SLC35F4: variants seen among roughly 807,000 people sequenced by gnomAD.
The protein encoded by SLC35F4 is solute carrier family 35 member F4, also known as chromosome 14 open reading frame 36.
In SLC35F4, 24 loss-of-function variants were observed where a neutral mutation model predicts 44.2. The ratio of observed to expected loss-of-function variants is 0.54; its 90% CI spans 0.39 to 0.76. The LOEUF is 0.76. Among genes scored for constraint, SLC35F4 ranks in the 30% least tolerant of loss-of-function variants. SLC35F4 has a pLI of 0.00. For missense variants in SLC35F4, 562 were observed against 586.1 expected, an observed-to-expected ratio of 0.96 and a Z score of 0.42; for synonymous variants, 238 against 223.6, an observed-to-expected ratio of 1.06 and a Z score of -0.57.
At chr14:57,578,118 C>T (rs954592147) in intron 4 of SLC35F4, among the ~76,000 whole-genome samples, 1 of 151,706 alleles carries the variant, frequency 6.6e-6, no homozygotes, top group East Asian at 1.9e-4. Flanking sequence ...AAGTGTCTTT[C>T]ACTCTGTTCA....
At chr14:57,888,165 T>A (rs1328657872) in intron 1 of SLC35F4, among the ~76,000 whole-genome samples, 1 of 152,118 alleles carries the variant, frequency 6.6e-6, no homozygotes, top group African/African-American at 2.4e-5. Flanking sequence ...AAGAAGAACC[T>A]CAGAGAAAGG....
intron 1 of SLC35F4, among the ~76,000 whole-genome samples, chr14:57,953,709 T>C (rs978289513): frequency 1.3e-5 from 2 of 152,178 alleles, no homozygotes; most frequent in Non-Finnish European, 2.9e-5. Flanking sequence ...AAGGTATCAA[T>C]GCAACAAGAA....
chr14:57,753,959 C>T (rs561661762), intron 1 of SLC35F4, among the ~76,000 whole-genome samples: 24 of 152,230 alleles, frequency 1.6e-4, no homozygotes, highest in African/African-American at 5.8e-4. Context: ...GGCTCATGGG[C>T]AGCTCCATGG....
intron 1 of SLC35F4, among the ~76,000 whole-genome samples, chr14:57,735,839 G>A (rs138091960): frequency 6.6e-6 from 1 of 151,448 alleles, no homozygotes; most frequent in Non-Finnish European, 1.5e-5. Context: ...TCTCCACCTC[G>A]GCCTCCCAAG....
intron 1 of SLC35F4, among the ~76,000 whole-genome samples, chr14:57,690,501 G>A (rs921101235): frequency 6.6e-6 from 1 of 151,958 alleles, no homozygotes; most frequent in African/African-American, 2.4e-5. Context: ...ACCAAGGACT[G>A]GTTTCATGAA....
intron 1 of SLC35F4, among the ~76,000 whole-genome samples, chr14:57,690,556 G>C (rs1194723046): frequency 6.6e-6 from 1 of 152,010 alleles, no homozygotes; most frequent in Non-Finnish European, 1.5e-5. Context: ...GGTGATGAGG[G>C]ATGGTTTGGG....
At chr14:57,924,724 G>A (rs1889517492) in intron 1 of SLC35F4, among the ~76,000 whole-genome samples, 3 of 152,010 alleles carry the variant, frequency 2.0e-5, no homozygotes, top group Admixed American at 2.0e-4. Context: ...TGGGATTACA[G>A]GTGTTAGCCA....
chr14:57,657,729 A>T (rs2074010850), intron 1 of SLC35F4, among the ~76,000 whole-genome samples: 1 of 152,170 alleles, frequency 6.6e-6, no homozygotes, highest in South Asian at 2.1e-4. Flanking sequence ...TTTACTTAGC[A>T]CAGTAATACT....
intron 1 of SLC35F4, among the ~76,000 whole-genome samples, chr14:57,606,211 G>A (rs1014523537): frequency 5.3e-5 from 8 of 151,742 alleles, no homozygotes; most frequent in African/African-American, 1.7e-4. Flanking sequence ...TATTCTCAGA[G>A]TATTAAACAA....
At chr14:57,605,718 G>A (rs577216646) in intron 1 of SLC35F4, among the ~76,000 whole-genome samples, 29 of 151,900 alleles carry the variant, frequency 1.9e-4, no homozygotes, top group African/African-American at 6.5e-4. Context: ...GTGCCCATCA[G>A]TAGTGGGTTG....
chr14:57,728,148 CTCT>C (rs1386591077), intron 1 of SLC35F4, among the ~76,000 whole-genome samples: 2 of 152,066 alleles, frequency 1.3e-5, no homozygotes, highest in Non-Finnish European at 2.9e-5. Context: ...CCTTTTTTGT[CTCT>C]TCTTACAGTT....
chr14:57,954,831 C>A (rs867152284), intron 1 of SLC35F4, among the ~76,000 whole-genome samples: 1 of 151,580 alleles, frequency 6.6e-6, no homozygotes, highest in African/African-American at 2.4e-5. Flanking sequence ...GATTCACAGC[C>A]GAATTCTACC....
chr14:57,886,795 G>A (rs1472481500), intron 1 of SLC35F4, among the ~76,000 whole-genome samples: 2 of 152,128 alleles, frequency 1.3e-5, no homozygotes, highest in African/African-American at 4.8e-5. Context: ...TCTGGAAAGG[G>A]AAAGGAGTTG....
intron 1 of SLC35F4, among the ~76,000 whole-genome samples, chr14:57,801,926 C>T (rs569324279): frequency 6.6e-6 from 1 of 152,092 alleles, no homozygotes; most frequent in African/African-American, 2.4e-5. Flanking sequence ...ATCATAGAAA[C>T]ACAAAATTAA....
At chr14:57,888,519 C>A (rs1888697901) in intron 1 of SLC35F4, among the ~76,000 whole-genome samples, 2 of 152,094 alleles carry the variant, frequency 1.3e-5, no homozygotes, top group African/African-American at 2.4e-5. Context: ...TCAAATGAAA[C>A]AATGAATGTC....
intron 1 of SLC35F4, among the ~76,000 whole-genome samples, chr14:57,952,304 A>T (rs1253113167): frequency 6.6e-6 from 1 of 152,206 alleles, no homozygotes; most frequent in Non-Finnish European, 1.5e-5. Context: ...CAAAGACCAA[A>T]GGTAGATAAA....
At chr14:57,592,214 G>A (rs143945058) in intron 2 of SLC35F4, among the ~76,000 whole-genome samples, 3,837 of 152,296 alleles carry the variant, frequency 0.025, 74 homozygotes, top group South Asian at 0.049. Flanking sequence ...ATTTGGAAAC[G>A]TGAATTTAAA....
chr14:57,737,768 A>G (rs891746005), intron 1 of SLC35F4, among the ~76,000 whole-genome samples: 24 of 152,248 alleles, frequency 1.6e-4, no homozygotes, highest in African/African-American at 5.5e-4. Flanking sequence ...AGAATGTGGC[A>G]GAGCAATTGG....
intron 1 of SLC35F4, among the ~76,000 whole-genome samples, chr14:57,667,995 G>T (rs902088463): frequency 6.9e-6 from 1 of 144,696 alleles, no homozygotes; most frequent in Non-Finnish European, 1.5e-5. Flanking sequence ...TCCAGCACCT[G>T]TTGTTTCCTG....
Sources: gnomAD v4.1 joint callset for allele counts (sites outside exome capture counted in the v4.1 genomes callset) on GRCh38, gnomAD v4.1.1 for gene constraint, MANE v1.5 for transcripts, NCBI Gene and HGNC (gene_info 2026-07-23, HGNC 2026-07-21) for gene names.